The following CAGE1 variants were observed in gnomAD, a reference collection of about 807,000 sequenced individuals.
CAGE1 encodes cancer-associated gene 1 protein.
CAGE1 carries 66 observed loss-of-function variants against 94.9 expected under a neutral mutation model. The ratio of observed to expected loss-of-function variants is 0.70; its 90% confidence interval spans 0.57 to 0.85. CAGE1 has a LOEUF of 0.85. Ranked by LOEUF, CAGE1 falls within the 40% of genes least tolerant of loss-of-function variation. CAGE1 has a pLI of 0.00. For synonymous variants in CAGE1, 319 were observed against 321.0 expected, an observed-to-expected ratio of 0.99 and a Z score of 0.07; for missense variants, 865 against 950.4, an observed-to-expected ratio of 0.91 and a Z score of 1.18.
intron 6 of CAGE1, 30 bp from the exon 7 acceptor site, chr6:7,368,828 A>G (rs762327217): frequency 1.4e-6 from 2 of 1,409,492 alleles, no homozygotes; most frequent in South Asian, 2.8e-5. Context: ...AAGCTAGATG[A>G]AAAAGTTTTT....
At chr6:7,328,892 GT>G in intron 13 of CAGE1, among the ~76,000 whole-genome samples, 2 of 90,544 alleles carry the variant, frequency 2.2e-5, no homozygotes, top group African/African-American at 8.8e-5. Flanking sequence ...GTGTGTGTGT[GT>G]GTGTGTGTGT....
At chr6:7,342,216 G>C (rs1379767139) in intron 11 of CAGE1, among the ~76,000 whole-genome samples, 1 of 152,172 alleles carries the variant, frequency 6.6e-6, no homozygotes, top group Non-Finnish European at 1.5e-5. Context: ...TAGAGTCCTG[G>C]GAAGGAAGAG....
At chr6:7,336,136 C>T (rs904218509) in intron 11 of CAGE1, among the ~76,000 whole-genome samples, 1 of 152,078 alleles carries the variant, frequency 6.6e-6, no homozygotes, top group African/African-American at 2.4e-5. Context: ...TCTGTGTATA[C>T]CAAAAGCCTG....
chr6:7,372,309 T>TA, intron 5 of CAGE1, among the ~76,000 whole-genome samples: 1 of 151,922 alleles, frequency 6.6e-6, no homozygotes, highest in East Asian at 1.9e-4. Context: ...CCATCTCTAC[T>TA]AAAAATACAA....
chr6:7,384,223 G>A (rs368004943), intron 3 of CAGE1, among the ~76,000 whole-genome samples: 13 of 151,890 alleles, frequency 8.6e-5, no homozygotes, highest in African/African-American at 2.2e-4. Flanking sequence ...GACTACAGGC[G>A]CCCACCATCA....
chr6:7,387,243 T>C (rs1761152838), intron 1 of CAGE1, 47 bp from the exon 2 acceptor site: 1 of 1,050,376 alleles, frequency 9.5e-7, no homozygotes, highest in Non-Finnish European at 1.4e-6. Flanking sequence ...CAAAAAGTTT[T>C]TTCCCTATCC....
chr6:7,345,064 T>A (rs564151218), intron 11 of CAGE1, among the ~76,000 whole-genome samples: 1 of 152,088 alleles, frequency 6.6e-6, no homozygotes, highest in East Asian at 1.9e-4. Flanking sequence ...TGGCTGGTGT[T>A]GAAAGCTTTG....
At chr6:7,351,414 T>C (rs1235411276) in intron 11 of CAGE1, among the ~76,000 whole-genome samples, 1 of 151,908 alleles carries the variant, frequency 6.6e-6, no homozygotes, top group Non-Finnish European at 1.5e-5. Flanking sequence ...TTCCACAAGG[T>C]AGAGAAAGAG....
At chr6:7,365,392 G>A in intron 9 of CAGE1, 76 bp downstream of exon 9, 1 of 1,218,364 alleles carries the variant, frequency 8.2e-7, no homozygotes, top group Non-Finnish European at 1.2e-6. Flanking sequence ...TTTGAAGGAT[G>A]ATAACTTCTT....
chr6:7,342,876 A>G (rs1162598762), intron 11 of CAGE1, among the ~76,000 whole-genome samples: 1 of 151,972 alleles, frequency 6.6e-6, no homozygotes, highest in African/African-American at 2.4e-5. Flanking sequence ...TGGCTTGCCA[A>G]TTATCCCAGC....
At chr6:7,358,025 G>GAGATATATATATATATAT (rs1281802037) in intron 9 of CAGE1, among the ~76,000 whole-genome samples, 1 of 20,300 alleles carries the variant, frequency 4.9e-5, no homozygotes, top group African/African-American at 1.6e-4. Context: ...GGTAAGTTTT[G>GAGATATATATATATATAT]AGATATATAT....
chr6:7,340,750 G>A, intron 11 of CAGE1: 1 of 282,768 alleles, frequency 3.5e-6, no homozygotes, highest in Non-Finnish European at 6.8e-6. Flanking sequence ...TGACATTAGG[G>A]GGTCCCTGAG....
intron 11 of CAGE1, among the ~76,000 whole-genome samples, chr6:7,343,208 G>GAAAAGAAAAT: frequency 6.7e-6 from 1 of 149,858 alleles, no homozygotes; most frequent in South Asian, 2.1e-4. Flanking sequence ...AAAAAGAAAA[G>GAAAAGAAAAT]AAAAGAAAAG....
chr6:7,387,113 C>T lies in CAGE1; in HGVS notation c.61G>A (p.Asp21Asn), dbSNP rs1761148008. ...SPSDPVHFEV[D>N]TSHEKVESMS... ...CTTTCTACTTTTTCATGAGAAGTAT[C>T]CACTTCAAAATGTACAGGATCTGAA... The change falls in exon 2 of 14, where the codon GAT becomes AAT. Residue 21 changes from aspartate to asparagine, a missense_variant. By Grantham distance (23) the Asp-to-Asn change is conservative (BLOSUM62 1). Coordinates refer to ENST00000502583, the MANE Select transcript of CAGE1 (RefSeq NM_001170692.2). The T allele has an allele frequency of 1.3e-6, 2 of 1,551,108 alleles. No homozygotes were observed. Among genetic ancestry groups the T allele is most frequent in the Non-Finnish European group, 1.7e-6 (2 of 1,146,552 alleles).
chr6:7,374,355 C>G (rs1760662181), intron 4 of CAGE1, among the ~76,000 whole-genome samples: 1 of 152,164 alleles, frequency 6.6e-6, no homozygotes, highest in Non-Finnish European at 1.5e-5. Flanking sequence ...CACAGCAGGG[C>G]ACAGGCAGTA....
rs568246659 is a variant in CAGE1 at position 7,355,384 on chromosome 6, C to T, written c.2299-273G>A. On this transcript the variant is annotated intron_variant, in intron 10 of 13. Transcript: ENST00000502583. ...TCTTCCAAATAAGTACTGTATGCAT[C>T]AACTAGGGATTAGAGTTCATTTGAT... Among the ~76,000 whole-genome samples, 3 of 152,252 alleles carry T rather than the reference C, an allele frequency of 2.0e-5. No homozygotes were observed. In the South Asian group the frequency reaches 6.2e-4, roughly 32 times the overall value.
chr6:7,359,160 C>T (rs1425626490), intron 9 of CAGE1, among the ~76,000 whole-genome samples: 5 of 152,198 alleles, frequency 3.3e-5, no homozygotes, highest in Admixed American at 3.3e-4. Flanking sequence ...GATTCTCCTG[C>T]CTTGGCCTCC....
At chr6:7,329,640 T>C (rs2764095) in intron 13 of CAGE1, among the ~76,000 whole-genome samples, 104,325 of 151,884 alleles carry the variant, frequency 0.69, 36,479 homozygotes, top group Non-Finnish European at 0.75. Context: ...GGGGATGGTG[T>C]GAAGGAGCCC....
chr6:7,371,181 G>A (rs1017940027), intron 5 of CAGE1, among the ~76,000 whole-genome samples: 2 of 152,112 alleles, frequency 1.3e-5, no homozygotes, highest in East Asian at 1.9e-4. Flanking sequence ...AGAAATGCAC[G>A]TTCTCAGGCC....
Sources: gnomAD v4.1 joint callset for allele counts (sites outside exome capture counted in the v4.1 genomes callset) on GRCh38, gnomAD v4.1.1 for gene constraint, MANE v1.5 for transcripts, NCBI Gene and HGNC (gene_info 2026-07-23, HGNC 2026-07-21) for gene names.